NPNT: variants seen among roughly 807,000 people sequenced by gnomAD.
NPNT encodes nephronectin.
NPNT carries 45 observed loss-of-function variants against 68.6 expected under a neutral mutation model. That is an observed-to-expected ratio of 0.66 (90% CI 0.52 to 0.84). The LOEUF (loss-of-function observed/expected upper bound fraction) is 0.84, where lower values mean the gene tolerates loss of function less well. NPNT is among the 40% of genes least tolerant of loss of function. NPNT has a pLI of 0.00. For synonymous variants in NPNT, 233 were observed against 253.3 expected (o/e 0.92, Z 0.76); for missense variants, 672 against 714.8 (o/e 0.94, Z 0.68).
chr4:105,931,668 C>CAAAAAAAA (rs59960189), intron 3 of NPNT, among the ~76,000 whole-genome samples: 2,174 of 97,668 alleles, frequency 0.022, no homozygotes, highest in Non-Finnish European at 0.03. Context: ...ACTAAAAATA[C>CAAAAAAAA]AAAAAAAAAA....
At position 105,947,770 on chromosome 4, in the gene NPNT, T is replaced by C. The variant is rs576504532; in HGVS notation, c.1159+5068T>C. Among the ~76,000 whole-genome samples, 100 of 152,326 alleles carry C rather than the reference T, an allele frequency of 6.6e-4. 1 individual carries two copies. The highest frequency in any genetic ancestry group is 2.4e-3 in the African/African-American group (98 of 41,560). On this transcript the variant is annotated intron_variant, in intron 8 of 11. Coordinates refer to ENST00000379987, the MANE Select transcript of NPNT (RefSeq NM_001033047.3). ...GTTGACTGGTCCTTTGAACATTCTT[T>C]ATTTTCCAAATCTGTCACAAATGAT... is the stretch of plus-strand genomic sequence containing the variant.
chr4:105,963,453 C>T (rs750454399), intron 10 of NPNT, among the ~76,000 whole-genome samples: 1 of 152,086 alleles, frequency 6.6e-6, no homozygotes, highest in Admixed American at 6.5e-5. Context: ...GAAATAGCTG[C>T]AAAATAAGTG....
chr4:105,954,691 A>C (rs755385368), intron 8 of NPNT, among the ~76,000 whole-genome samples: 2 of 151,962 alleles, frequency 1.3e-5, no homozygotes, highest in Non-Finnish European at 2.9e-5. Flanking sequence ...AGCAATTCTG[A>C]TGTTTCAGTC....
intron 2 of NPNT, among the ~76,000 whole-genome samples, chr4:105,901,527 A>G (rs1726414681): frequency 6.6e-6 from 1 of 152,230 alleles, no homozygotes; most frequent in Admixed American, 6.5e-5. Flanking sequence ...AACTAAAAAT[A>G]CAACCAGTTC....
chr4:105,947,690 A>G (rs1428478583), intron 8 of NPNT, among the ~76,000 whole-genome samples: 1 of 152,136 alleles, frequency 6.6e-6, no homozygotes, highest in Non-Finnish European at 1.5e-5. Flanking sequence ...CCAATAATTT[A>G]TATTTTATTA....
At chr4:105,967,886 A>T (rs1732300233) in intron 11 of NPNT, among the ~76,000 whole-genome samples, 1 of 152,028 alleles carries the variant, frequency 6.6e-6, no homozygotes, top group Admixed American at 6.6e-5. Context: ...TGTTTCTTTC[A>T]AGTTCAAATT....
At chr4:105,903,127 C>G (rs1305277034) in intron 2 of NPNT, among the ~76,000 whole-genome samples, 1 of 152,134 alleles carries the variant, frequency 6.6e-6, no homozygotes, top group Non-Finnish European at 1.5e-5. Context: ...GAAGGCACTT[C>G]TGGTGCCAGA....
chr4:105,967,045 A>G lies in NPNT; in HGVS notation c.1346-143A>G, dbSNP rs1732199054. 9.3e-6 allele frequency: 7 copies of G among 753,454 alleles called. No homozygotes were observed. The East Asian group carries it at 1.6e-4, about 18-fold the overall frequency. The allele number at this position is 753,454 out of a possible 1,614,324, so 46.7% of individuals were successfully genotyped here. ...CATAGAACTTAAGACAGGCATACAA[A>G]TAAGTCATATTTTTCTTCTTCAAAA... On this transcript the variant is annotated intron_variant, in intron 10 of 11. Transcript: ENST00000379987.
In NPNT at chr4:105,959,100, A is replaced by C. The variant is rs550276139; in HGVS notation, c.1319A>C (p.His440Pro). The C allele has an allele frequency of 6.2e-7, 1 of 1,613,102 alleles. No individual in the cohort carries two copies. Among genetic ancestry groups the C allele is most frequent in the East Asian group, 2.2e-5 (1 of 44,826 alleles). ...GWIREKDNDLHWEPIRDPAGG... is the reference protein window; with the variant it reads ...GWIREKDNDLPWEPIRDPAGG... ...ATCAGGGAGAAAGACAATGACTTGC[A>C]CTGGGAACCAATCAGGGACCCAGCA... The change falls in exon 10 of 12, where the codon CAC (histidine) becomes CCC (proline). Residue 440 changes from histidine (H) to proline (P), a missense_variant. Coordinates refer to ENST00000379987, the MANE Select transcript of NPNT (RefSeq NM_001033047.3).
chr4:105,932,801 G>A, intron 3 of NPNT: 2 of 820,656 alleles, frequency 2.4e-6, no homozygotes, highest in South Asian at 3.2e-5. Context: ...TAGCCCAGGA[G>A]TGTCCAGCCT....
At chr4:105,965,985 T>C (rs1337229161) in intron 10 of NPNT, among the ~76,000 whole-genome samples, 1 of 151,110 alleles carries the variant, frequency 6.6e-6, no homozygotes, top group Non-Finnish European at 1.5e-5. Context: ...AGAAATCACC[T>C]GTGACCTATA....
intron 11 of NPNT, among the ~76,000 whole-genome samples, chr4:105,968,063 G>T (rs1319297095): frequency 2.0e-5 from 3 of 152,074 alleles, no homozygotes; most frequent in East Asian, 1.9e-4. Context: ...ATGGTCTAGG[G>T]CATCCCAACA....
chr4:105,971,431 TA>T lies in NPNT; in HGVS notation c.*2443del. 1 of 220,952 alleles carries T rather than the reference TA, an allele frequency of 4.5e-6. No homozygotes were observed. Among genetic ancestry groups the T allele is most frequent in the Non-Finnish European group, 9.6e-6 (1 of 104,554 alleles). The allele number at this position is 220,952 out of a possible 1,614,324, so 13.7% of individuals were successfully genotyped here. ...GAATATATGGCTGTAGATCCATTTT[TA>T]ATGGTTCATTTCCTTTATGGTCATA... is the stretch of plus-strand genomic sequence containing the variant. On this transcript the variant is annotated 3_prime_UTR_variant, in exon 12 of 12. Transcript: ENST00000379987.
intron 2 of NPNT, among the ~76,000 whole-genome samples, chr4:105,913,233 T>C (rs1335260414): frequency 6.6e-6 from 1 of 152,184 alleles, no homozygotes; most frequent in Non-Finnish European, 1.5e-5. Context: ...TAAGGCAGAA[T>C]TTTAATAAAA....
chr4:105,923,941 T>C (rs1728471864), intron 2 of NPNT, among the ~76,000 whole-genome samples: 1 of 152,190 alleles, frequency 6.6e-6, no homozygotes, highest in Non-Finnish European at 1.5e-5. Flanking sequence ...GTGATCTGTG[T>C]CAGCCTTTCT....
At position 105,938,473 on chromosome 4, in the gene NPNT, G is replaced by A. The variant is rs557559353; in HGVS notation, c.505+53G>A. The A allele has an allele frequency of 5.7e-6, 9 of 1,582,534 alleles. No homozygotes were observed. The African/African-American group carries it at 8.1e-5, about 14-fold the overall frequency. On this transcript the variant is annotated intron_variant, in intron 5 of 11. Transcript: ENST00000379987. ...CAGCAGCCTCTGTAGGATAAAGGGAGAAAGTGAAAGGTGATGGGAATAAGG... is the reference window on the plus strand; with the variant it reads ...CAGCAGCCTCTGTAGGATAAAGGGAAAAAGTGAAAGGTGATGGGAATAAGG...
At chr4:105,913,248 T>A (rs952108114) in intron 2 of NPNT, among the ~76,000 whole-genome samples, 2 of 152,186 alleles carry the variant, frequency 1.3e-5, no homozygotes, top group Non-Finnish European at 2.9e-5. Context: ...ATAAAAAAAA[T>A]ATTTGGGAAC....
At chr4:105,962,742 A>AT (rs1490914572) in intron 10 of NPNT, among the ~76,000 whole-genome samples, 10 of 152,146 alleles carry the variant, frequency 6.6e-5, no homozygotes, top group African/African-American at 2.4e-4. Context: ...TGCAGAATAT[A>AT]TTTTTAGAAT....
intron 2 of NPNT, among the ~76,000 whole-genome samples, chr4:105,914,216 T>A (rs534020872): frequency 1.0e-4 from 15 of 148,500 alleles, no homozygotes; most frequent in South Asian, 4.2e-4. Context: ...ATATATATAT[T>A]ATCAGTATAT....
Sources: allele counts gnomAD v4.1 joint callset (sites outside exome capture counted in the v4.1 genomes callset), GRCh38; gene constraint gnomAD v4.1.1; transcripts MANE v1.5; gene names NCBI Gene and HGNC (gene_info 2026-07-23, HGNC 2026-07-21).